KCNIP4: variants seen among roughly 807,000 people sequenced by gnomAD.
KCNIP4 encodes the protein potassium voltage-gated channel interacting protein 4.
A neutral mutation model predicts 34.0 loss-of-function variants in KCNIP4; 12 were observed. That is an observed-to-expected ratio of 0.35 (90% CI 0.23 to 0.57). The LOEUF is 0.57. Among genes scored for constraint, KCNIP4 ranks in the 20% least tolerant of loss-of-function variants. KCNIP4 has a pLI of 0.83. For missense variants in KCNIP4, 238 were observed against 311.7 expected (o/e 0.76, Z 1.78); for synonymous variants, 124 against 102.2 (o/e 1.21, Z -1.29).
At chr4:21,339,943 C>T (rs1022140404) in intron 1 of KCNIP4, among the ~76,000 whole-genome samples, 4 of 152,128 alleles carry the variant, frequency 2.6e-5, no homozygotes, top group African/African-American at 9.6e-5. Context: ...GTATTCTCAT[C>T]AATCACTCAG....
At chr4:20,807,545 A>T (rs1715239173) in intron 3 of KCNIP4, among the ~76,000 whole-genome samples, 1 of 152,198 alleles carries the variant, frequency 6.6e-6, no homozygotes, top group African/African-American at 2.4e-5. Flanking sequence ...AAAGTCTAAA[A>T]TACTTAGTAT....
chr4:20,900,490 T>C (rs1727047211), intron 1 of KCNIP4, among the ~76,000 whole-genome samples: 1 of 152,212 alleles, frequency 6.6e-6, no homozygotes, highest in African/African-American at 2.4e-5. Flanking sequence ...CATTGTTGGT[T>C]GAATTTCAAA....
At chr4:21,672,216 G>A (rs981528773) in intron 1 of KCNIP4, among the ~76,000 whole-genome samples, 5 of 152,284 alleles carry the variant, frequency 3.3e-5, no homozygotes, top group Admixed American at 6.5e-5. Context: ...AACCACCATA[G>A]CACGTGTATA....
At chr4:21,021,684 G>T (rs1004563102) in intron 1 of KCNIP4, among the ~76,000 whole-genome samples, 3 of 152,034 alleles carry the variant, frequency 2.0e-5, no homozygotes, top group African/African-American at 7.2e-5. Context: ...ATCTTGTCCT[G>T]CTGGAAGGTC....
At chr4:21,648,378 T>G (rs1747195960) in intron 1 of KCNIP4, among the ~76,000 whole-genome samples, 1 of 152,192 alleles carries the variant, frequency 6.6e-6, no homozygotes, top group South Asian at 2.1e-4. Flanking sequence ...AAATAAGCAG[T>G]AAGAGCTCAT....
At chr4:21,021,855 G>GTATCA (rs1424606488) in intron 1 of KCNIP4, among the ~76,000 whole-genome samples, 1 of 130,484 alleles carries the variant, frequency 7.7e-6, no homozygotes, top group Non-Finnish European at 1.6e-5. Context: ...GAAAAGTATA[G>GTATCA]TATCGTATAG....
intron 1 of KCNIP4, among the ~76,000 whole-genome samples, chr4:21,933,798 T>G (rs1395398828): frequency 6.6e-6 from 1 of 152,144 alleles, no homozygotes; most frequent in East Asian, 1.9e-4. Flanking sequence ...AATATGAGAC[T>G]TACCTAATAG....
chr4:20,763,515 A>G lies in KCNIP4; in HGVS notation c.289-4625T>C, dbSNP rs537308211. On this transcript the variant is annotated intron_variant, in intron 3 of 8. Coordinates refer to ENST00000382152, the MANE Select transcript of KCNIP4 (RefSeq NM_025221.6). ...TTTATGGGCCAGGTCTTAAAGTGGT[A>G]TACATCATTTCTATTCTCATTTTTT... 8.5e-5 allele frequency among the ~76,000 whole-genome samples: 13 copies of G among 152,312 alleles called. No homozygotes were observed. In the South Asian group the frequency reaches 2.5e-3, roughly 29 times the overall value.
intron 1 of KCNIP4, among the ~76,000 whole-genome samples, chr4:21,148,895 A>G (rs1752575203): frequency 6.6e-6 from 1 of 152,228 alleles, no homozygotes. Context: ...TGCCTTTAAC[A>G]TGTCAAATTT....
At chr4:21,795,695 T>C (rs1318498572) in intron 1 of KCNIP4, among the ~76,000 whole-genome samples, 2 of 152,098 alleles carry the variant, frequency 1.3e-5, no homozygotes. Context: ...TATAGTTTAG[T>C]AAAAAGAGAT....
intron 1 of KCNIP4, among the ~76,000 whole-genome samples, chr4:21,033,052 T>G (rs1404535867): frequency 6.6e-6 from 1 of 152,142 alleles, no homozygotes; most frequent in Non-Finnish European, 1.5e-5. Flanking sequence ...TAGGAGGCTT[T>G]CTTAGGAAGA....
intron 1 of KCNIP4, among the ~76,000 whole-genome samples, chr4:21,928,827 T>C (rs939375047): frequency 6.6e-6 from 1 of 151,976 alleles, no homozygotes; most frequent in Non-Finnish European, 1.5e-5. Context: ...TATTCCCTAA[T>C]GTCCCCAAGA....
At chr4:20,892,505 C>T (rs1726030688) in intron 1 of KCNIP4, among the ~76,000 whole-genome samples, 2 of 152,136 alleles carry the variant, frequency 1.3e-5, no homozygotes, top group African/African-American at 4.8e-5. Context: ...CTCTCTGTCT[C>T]ATTGTTCTAC....
intron 1 of KCNIP4, among the ~76,000 whole-genome samples, chr4:21,346,041 C>A (rs1292027901): frequency 3.6e-5 from 5 of 140,538 alleles, no homozygotes; most frequent in Non-Finnish European, 7.5e-5. Context: ...TGGAGTGGCA[C>A]AATGCCAAAG....
intron 1 of KCNIP4, among the ~76,000 whole-genome samples, chr4:21,212,035 A>T (rs1256485309): frequency 6.6e-6 from 1 of 152,190 alleles, no homozygotes; most frequent in East Asian, 1.9e-4. Flanking sequence ...TCCCTCTCAG[A>T]TGGCCCTGGC....
At chr4:20,818,655 G>A (rs1716724599) in intron 3 of KCNIP4, among the ~76,000 whole-genome samples, 1 of 152,192 alleles carries the variant, frequency 6.6e-6, no homozygotes, top group African/African-American at 2.4e-5. Flanking sequence ...ACTGACACCT[G>A]AAAAATCTCC....
intron 1 of KCNIP4, among the ~76,000 whole-genome samples, chr4:21,673,780 T>C (rs1166041411): frequency 6.6e-6 from 1 of 152,218 alleles, no homozygotes; most frequent in African/African-American, 2.4e-5. Flanking sequence ...CAGCCAACTT[T>C]AAGCAATTTT....
chr4:21,236,985 G>A (rs1759413035), intron 1 of KCNIP4, among the ~76,000 whole-genome samples: 1 of 150,474 alleles, frequency 6.6e-6, no homozygotes, highest in South Asian at 2.1e-4. Context: ...CAGCCTGGGT[G>A]ACAGAGGGAG....
At chr4:21,036,595 G>A (rs1156600005) in intron 1 of KCNIP4, among the ~76,000 whole-genome samples, 2 of 152,204 alleles carry the variant, frequency 1.3e-5, no homozygotes, top group Admixed American at 6.5e-5. Context: ...GCATGGGGGT[G>A]TGTGCCTGTA....
Sources: allele counts gnomAD v4.1 joint callset (sites outside exome capture counted in the v4.1 genomes callset), GRCh38; gene constraint gnomAD v4.1.1; transcripts MANE v1.5; gene names NCBI Gene and HGNC (gene_info 2026-07-23, HGNC 2026-07-21).